ATXN1: variants seen among roughly 807,000 people sequenced by gnomAD.
ATXN1 encodes the protein ataxin-1.
ATXN1 carries 8 observed loss-of-function variants against 56.4 expected under a neutral mutation model. The observed-to-expected ratio is 0.14, with a 90% CI of 0.08 to 0.26. The LOEUF is 0.26. Among genes scored for constraint, ATXN1 ranks in the 10% least tolerant of loss-of-function variants. ATXN1 has a pLI of 1.00. For synonymous variants in ATXN1, 514 were observed against 494.6 expected (o/e 1.04, Z -0.52); for missense variants, 987 against 1,106.5 (o/e 0.89, Z 1.53).
At chr6:16,712,847 T>C (rs1433592342) in intron 2 of ATXN1, among the ~76,000 whole-genome samples, 1 of 152,162 alleles carries the variant, frequency 6.6e-6, no homozygotes, top group African/African-American at 2.4e-5. Flanking sequence ...TTTATAGATT[T>C]ATATGTACCT....
chr6:16,703,024 A>T (rs1759321437), intron 2 of ATXN1, among the ~76,000 whole-genome samples: 1 of 152,096 alleles, frequency 6.6e-6, no homozygotes, highest in Non-Finnish European at 1.5e-5. Flanking sequence ...ATAAAGACAC[A>T]TGCACACGTA....
At position 16,625,686 on chromosome 6, in the gene ATXN1, C is replaced by T. The variant is rs573798324; in HGVS notation, c.-489+32090G>A. ...CCCAGCAGAGAAACAGATGGGGTTC[C>T]GTATAGTAACCATGTTATCAAGGAG... On this transcript the variant is annotated intron_variant, in intron 3 of 7. Coordinates refer to ENST00000436367, the MANE Select transcript of ATXN1 (RefSeq NM_001128164.2). Among the ~76,000 whole-genome samples, 7 of 151,832 alleles carry T rather than the reference C, an allele frequency of 4.6e-5. No individual in the cohort carries two copies. The South Asian group carries it at 6.3e-4, about 14-fold the overall frequency.
At chr6:16,455,172 T>C (rs1305642612) in intron 6 of ATXN1, among the ~76,000 whole-genome samples, 1 of 152,164 alleles carries the variant, frequency 6.6e-6, no homozygotes, top group East Asian at 1.9e-4. Flanking sequence ...GTAAGACTCA[T>C]CTTGATGTAA....
chr6:16,436,736 C>A (rs762356681), intron 6 of ATXN1, among the ~76,000 whole-genome samples: 11 of 151,988 alleles, frequency 7.2e-5, no homozygotes, highest in Non-Finnish European at 1.3e-4. Flanking sequence ...GTGGGGGTGA[C>A]AAGTTCTTTG....
At chr6:16,703,501 ACT>A (rs1759336065) in intron 2 of ATXN1, among the ~76,000 whole-genome samples, 1 of 152,170 alleles carries the variant, frequency 6.6e-6, no homozygotes, top group Non-Finnish European at 1.5e-5. Flanking sequence ...TTCCTTTATA[ACT>A]CTATATTTCT....
intron 3 of ATXN1, among the ~76,000 whole-genome samples, chr6:16,635,758 C>G (rs933683694): frequency 6.6e-6 from 1 of 152,156 alleles, no homozygotes; most frequent in Admixed American, 6.5e-5. Flanking sequence ...AAGGAAAATC[C>G]ACTGTAGCCA....
At chr6:16,712,716 T>G (rs75105269) in intron 2 of ATXN1, among the ~76,000 whole-genome samples, 3 of 34,320 alleles carry the variant, frequency 8.7e-5, no homozygotes, top group African/African-American at 4.8e-4. Flanking sequence ...CCGTTTTTGC[T>G]TTTTTTTTTT....
chr6:16,727,885 CA>C (rs772794877), intron 2 of ATXN1, among the ~76,000 whole-genome samples: 3 of 152,172 alleles, frequency 2.0e-5, no homozygotes, highest in Non-Finnish European at 4.4e-5. Flanking sequence ...CCAGTGGGCA[CA>C]AAAATAATTT....
chr6:16,303,335 G>C lies in ATXN1; in HGVS notation c.*2994C>G, dbSNP rs370496147. The C allele has an allele frequency of 7.2e-5, 11 of 152,202 alleles. No homozygotes were observed. The highest frequency in any genetic ancestry group is 2.7e-4 in the African/African-American group (11 of 41,448). The allele number at this position is 152,202 out of a possible 1,614,324, so 9.4% of individuals were successfully genotyped here. A position where few individuals can be genotyped will look rare whatever the true frequency, so the allele number is the denominator to read the frequency against. ...CTCCTTGGCTGGCTCTTTCTGCAAC[G>C]TGGCGGCAGACGCACGGGGCTCCTG... On this transcript the variant is annotated 3_prime_UTR_variant, in exon 8 of 8. Coordinates refer to ENST00000436367, the MANE Select transcript of ATXN1 (RefSeq NM_001128164.2). This position sits in a 1 kb window ranked among gnomAD's most constrained non-coding sequence, Gnocchi z 4.3.
chr6:16,640,459 A>G (rs1280532017), intron 3 of ATXN1, among the ~76,000 whole-genome samples: 1 of 152,150 alleles, frequency 6.6e-6, no homozygotes. Flanking sequence ...CAAGGTGGGC[A>G]GATCACGAGT....
At position 16,669,012 on chromosome 6, in the gene ATXN1, A is replaced by G. The variant is rs112854777; in HGVS notation, c.-614-11111T>C. ...TACTCTTTGAGAAATTGTGCTGTAC[A>G]CTTTGTATAAAATGAGAGCATGTAA... On this transcript the variant is annotated intron_variant, in intron 2 of 7. Coordinates refer to ENST00000436367, the MANE Select transcript of ATXN1 (RefSeq NM_001128164.2). 6.6e-3 allele frequency among the ~76,000 whole-genome samples: 998 copies of G among 152,218 alleles called. 4 individuals carry two copies. The highest frequency in any genetic ancestry group is 0.012 in the Non-Finnish European group (784 of 68,022).
At chr6:16,687,231 C>T (rs1177423391) in intron 2 of ATXN1, among the ~76,000 whole-genome samples, 2 of 152,134 alleles carry the variant, frequency 1.3e-5, no homozygotes, top group Non-Finnish European at 2.9e-5. Flanking sequence ...ATTAAACTTT[C>T]GACTTTCGTG....
intron 3 of ATXN1, among the ~76,000 whole-genome samples, chr6:16,637,355 G>C (rs986015053): frequency 6.8e-6 from 1 of 147,958 alleles, no homozygotes; most frequent in African/African-American, 2.5e-5. Context: ...ATGGAGTGGG[G>C]GGAGGGGGGA....
At chr6:16,580,641 T>G (rs1762511843) in intron 4 of ATXN1, among the ~76,000 whole-genome samples, 1 of 152,238 alleles carries the variant, frequency 6.6e-6, no homozygotes, top group Non-Finnish European at 1.5e-5. Context: ...GTTTCCATAC[T>G]GACACCAGAA....
intron 6 of ATXN1, among the ~76,000 whole-genome samples, chr6:16,437,424 C>G (rs1759418049): frequency 6.6e-6 from 1 of 152,198 alleles, no homozygotes; most frequent in Non-Finnish European, 1.5e-5. Context: ...CACAGGTGCA[C>G]AGCAGATCTC....
At chr6:16,673,073 T>C (rs1758581375) in intron 2 of ATXN1, among the ~76,000 whole-genome samples, 1 of 147,258 alleles carries the variant, frequency 6.8e-6, no homozygotes, top group South Asian at 2.2e-4. Context: ...GGCAAGGATA[T>C]GAATTATTCT....
At chr6:16,512,196 A>AG (rs1384016496) in intron 5 of ATXN1, among the ~76,000 whole-genome samples, 1 of 152,248 alleles carries the variant, frequency 6.6e-6, no homozygotes, top group Non-Finnish European at 1.5e-5. Flanking sequence ...CAGATATGAA[A>AG]GGCTTTACCA....
intron 3 of ATXN1, among the ~76,000 whole-genome samples, chr6:16,642,215 T>A (rs995726412): frequency 1.3e-5 from 2 of 152,130 alleles, no homozygotes; most frequent in Non-Finnish European, 2.9e-5. Flanking sequence ...GCTAACATTG[T>A]GAAACCCATC....
At chr6:16,380,491 T>A (rs930730873) in intron 6 of ATXN1, among the ~76,000 whole-genome samples, 7 of 151,630 alleles carry the variant, frequency 4.6e-5, no homozygotes, top group Non-Finnish European at 1.0e-4. Flanking sequence ...TTTTTTTTTT[T>A]AAAAGCCTTC....
Sources: allele counts gnomAD v4.1 joint callset (sites outside exome capture counted in the v4.1 genomes callset), GRCh38; gene constraint gnomAD v4.1.1; non-coding constraint Gnocchi (gnomAD v3.1); transcripts MANE v1.5; gene names NCBI Gene and HGNC (gene_info 2026-07-23, HGNC 2026-07-21).